The following TUSC3 variants were observed in gnomAD, a reference collection of about 807,000 sequenced individuals.
The protein encoded by TUSC3 is dolichyl-diphosphooligosaccharide--protein glycosyltransferase subunit TUSC3.
Under a neutral mutation model 44.8 loss-of-function variants are expected in TUSC3, and 45 were observed. That is an observed-to-expected ratio of 1.00 (90% CI 0.79 to 1.29). TUSC3 has a LOEUF of 1.29. Among genes scored for constraint, TUSC3 ranks in the 50% most tolerant of loss-of-function variants. TUSC3 has a pLI of 0.00. For missense variants in TUSC3, 519 were observed against 437.9 expected (o/e 1.19, Z -1.65); for synonymous variants, 212 against 152.9 (o/e 1.39, Z -2.85).
chr8:15,668,968 A>G (rs1159529626), intron 5 of TUSC3, among the ~76,000 whole-genome samples: 1 of 151,740 alleles, frequency 6.6e-6, no homozygotes, highest in Admixed American at 6.6e-5. Flanking sequence ...GAAAGCTTCT[A>G]AAAAGCAGAG....
At chr8:15,536,997 A>G (rs933627324), upstream of TUSC3, among the ~76,000 whole-genome samples, 14 of 152,166 alleles carry the variant, frequency 9.2e-5, no homozygotes, top group African/African-American at 2.9e-4. Flanking sequence ...TGCCCTGCAA[A>G]GTCTCTTGTG....
At chr8:15,842,592 G>A in the TUSC3 span, among the ~76,000 whole-genome samples, 6 of 152,154 alleles carry the variant, frequency 3.9e-5, no homozygotes, top group Admixed American at 3.3e-4. Context: ...TCCTGTGCAT[G>A]CAAAGCAAGA....
At chr8:15,600,040 A>C (rs536849195) in intron 1 of TUSC3, among the ~76,000 whole-genome samples, 1 of 151,786 alleles carries the variant, frequency 6.6e-6, no homozygotes, top group African/African-American at 2.4e-5. Context: ...TAATCTGTGT[A>C]CCTTTTATTT....
intron 1 of TUSC3, among the ~76,000 whole-genome samples, chr8:15,613,064 G>GATATATATATATATAT (rs34594440): frequency 2.0e-3 from 296 of 144,544 alleles, no homozygotes; most frequent in African/African-American, 7.2e-3. Flanking sequence ...TTATATATAT[G>GATATATATATATATAT]ATATATATAT....
intron 1 of TUSC3, among the ~76,000 whole-genome samples, chr8:15,569,639 T>C (rs1802798537): frequency 1.3e-5 from 2 of 152,044 alleles, no homozygotes; most frequent in South Asian, 4.2e-4. Flanking sequence ...ATGACAGGAG[T>C]AAACTGGGAC....
the TUSC3 span, among the ~76,000 whole-genome samples, chr8:15,805,825 T>A: frequency 6.6e-6 from 1 of 152,154 alleles, no homozygotes; most frequent in African/African-American, 2.4e-5. Flanking sequence ...GCTGGCTTGA[T>A]AGAATGAGTT....
intron 4 of TUSC3, 59 bp from the exon 5 acceptor site, chr8:15,662,097 G>A (rs1444393478): frequency 5.0e-6 from 8 of 1,595,180 alleles, no homozygotes; most frequent in Non-Finnish European, 6.9e-6. Context: ...ACTAGAATAT[G>A]ATCAAAAGAA....
At chr8:15,520,861 T>G (rs939843771) in intron 2 of TUSC3, among the ~76,000 whole-genome samples, 9 of 152,168 alleles carry the variant, frequency 5.9e-5, no homozygotes. Flanking sequence ...GTCCTTATAG[T>G]CTCAGCGGGA....
At chr8:15,752,076 G>A (rs1458420811) in intron 9 of TUSC3, among the ~76,000 whole-genome samples, 1 of 152,112 alleles carries the variant, frequency 6.6e-6, no homozygotes, top group Admixed American at 6.6e-5. Context: ...ACAATATAAA[G>A]TGTCACAAGC....
At chr8:15,456,129 A>G (rs1262013106) in intron 1 of TUSC3, among the ~76,000 whole-genome samples, 1 of 152,162 alleles carries the variant, frequency 6.6e-6, no homozygotes, top group African/African-American at 2.4e-5. Flanking sequence ...TTGCCTAGCC[A>G]TCCTCACTCC....
intron 1 of TUSC3, among the ~76,000 whole-genome samples, chr8:15,597,893 C>T (rs1563125897): frequency 6.6e-6 from 1 of 152,084 alleles, no homozygotes; most frequent in East Asian, 1.9e-4. Context: ...TTAATATTGT[C>T]CTTTAATTTT....
intron 1 of TUSC3, among the ~76,000 whole-genome samples, chr8:15,565,451 G>C (rs1013446763): frequency 6.6e-6 from 1 of 152,144 alleles, no homozygotes; most frequent in South Asian, 2.1e-4. Flanking sequence ...TGGTGGGTTG[G>C]GAAGGTCCCA....
At chr8:15,812,139 C>A in the TUSC3 span, among the ~76,000 whole-genome samples, 4 of 152,168 alleles carry the variant, frequency 2.6e-5, no homozygotes, top group East Asian at 7.7e-4. Context: ...TGTCAGCAGG[C>A]ATTAAAGTGC....
At chr8:15,610,228 C>T (rs921497159) in intron 1 of TUSC3, among the ~76,000 whole-genome samples, 3 of 152,142 alleles carry the variant, frequency 2.0e-5, no homozygotes, top group Non-Finnish European at 4.4e-5. Context: ...AAATTCCATA[C>T]ATTCATTGAT....
intron 1 of TUSC3, among the ~76,000 whole-genome samples, chr8:15,571,633 G>A (rs1162584867): frequency 6.6e-6 from 1 of 152,126 alleles, no homozygotes; most frequent in East Asian, 1.9e-4. Flanking sequence ...AACTTCTTAA[G>A]AAATTAAGTT....
chr8:15,742,145 G>C (rs552886806), intron 7 of TUSC3, among the ~76,000 whole-genome samples: 1 of 150,692 alleles, frequency 6.6e-6, no homozygotes, highest in African/African-American at 2.4e-5. Flanking sequence ...TGAAAGGCAG[G>C]AATTTCATAG....
chr8:15,740,932 G>A (rs893399605), intron 7 of TUSC3, among the ~76,000 whole-genome samples: 6 of 152,132 alleles, frequency 3.9e-5, no homozygotes, highest in African/African-American at 7.2e-5. Flanking sequence ...GAAAATGTAC[G>A]TAATTTTCTG....
chr8:15,627,350 C>A (rs35422110), intron 2 of TUSC3, among the ~76,000 whole-genome samples: 1 of 152,176 alleles, frequency 6.6e-6, no homozygotes, highest in African/African-American at 2.4e-5. Context: ...GAGGAGCTGC[C>A]CACTGCAGGT....
rs555026158 is a variant in TUSC3 at position 15,444,063 on chromosome 8, G to T, written n.91+26758G>T. Among the ~76,000 whole-genome samples, 45 of 152,286 alleles carry T rather than the reference G, an allele frequency of 3.0e-4. 2 individuals carry two copies. The South Asian group carries it at 8.5e-3, about 29-fold the overall frequency. ...CCTGGTCTCCCACAGAACCAGTTCT[G>T]TATGAATTACTCCTTCTCTATTGCG... On this transcript the variant is annotated intron_variant and non_coding_transcript_variant, in intron 1 of 5. Transcript: ENST00000503191.
Sources: gnomAD v4.1 joint callset for allele counts (sites outside exome capture counted in the v4.1 genomes callset) on GRCh38, gnomAD v4.1.1 for gene constraint, MANE v1.5 for transcripts, NCBI Gene and HGNC (gene_info 2026-07-23, HGNC 2026-07-21) for gene names.